The following NNT variants were observed in gnomAD, a reference collection of about 807,000 sequenced individuals.
NNT encodes the protein nicotinamide nucleotide transhydrogenase, also known as NAD(P) transhydrogenase, mitochondrial.
NNT carries 50 observed loss-of-function variants against 104.8 expected under a neutral mutation model. That is an observed-to-expected ratio of 0.48 (90% confidence interval 0.38 to 0.60). NNT has a LOEUF of 0.60. NNT is among the 20% of genes least tolerant of loss of function. The probability of loss-of-function intolerance (pLI) is 0.00; values close to 1 mark genes in which losing one functional copy is unlikely to be tolerated. For synonymous variants in NNT, 461 were observed against 490.4 expected, an observed-to-expected ratio of 0.94 and a Z score of 0.79; for missense variants, 1,131 against 1,330.7, an observed-to-expected ratio of 0.85 and a Z score of 2.33.
At chr5:43,619,549 G>A (rs912368831) in intron 5 of NNT, among the ~76,000 whole-genome samples, 1 of 152,152 alleles carries the variant, frequency 6.6e-6, no homozygotes, top group Non-Finnish European at 1.5e-5. Flanking sequence ...AATGGGAGGT[G>A]GTGTAATCAG....
At chr5:43,620,721 A>G (rs1347223807) in intron 5 of NNT, among the ~76,000 whole-genome samples, 3 of 152,224 alleles carry the variant, frequency 2.0e-5, no homozygotes, top group Admixed American at 2.0e-4. Context: ...AACAACACAG[A>G]CGTGAGATGT....
At chr5:43,610,314 C>CTCTT (rs1749438690) in intron 2 of NNT, among the ~76,000 whole-genome samples, 2 of 151,100 alleles carry the variant, frequency 1.3e-5, no homozygotes, top group African/African-American at 4.9e-5. Flanking sequence ...CAAGTCAACT[C>CTCTT]TCTTTCATCA....
chr5:43,654,325 G>A (rs1302967049), intron 14 of NNT, among the ~76,000 whole-genome samples: 1 of 152,234 alleles, frequency 6.6e-6, no homozygotes, highest in African/African-American at 2.4e-5. Flanking sequence ...CCAGACGTGA[G>A]AAAGTGATGG....
At chr5:43,644,378 G>T in intron 8 of NNT, 53 bp downstream of exon 8, 2 of 1,558,320 alleles carry the variant, frequency 1.3e-6, no homozygotes, top group Non-Finnish European at 1.7e-6. Context: ...CTTGAGTTAT[G>T]GGGGGGTGTT....
chr5:43,654,523 G>A (rs538121562), intron 14 of NNT, among the ~76,000 whole-genome samples: 7 of 152,254 alleles, frequency 4.6e-5, no homozygotes, highest in Admixed American at 2.6e-4. Context: ...TTTTACTTTC[G>A]TCTTACTTAT....
At chr5:43,675,455 T>G in intron 17 of NNT, 56 bp from the exon 18 acceptor site, 1 of 1,480,610 alleles carries the variant, frequency 6.8e-7, no homozygotes, top group Non-Finnish European at 9.2e-7. Flanking sequence ...ACATTTGTAC[T>G]ATTCTCACAA....
At chr5:43,612,848 A>C in intron 2 of NNT, 60 bp from the exon 3 acceptor site, 4 of 1,270,658 alleles carry the variant, frequency 3.1e-6, no homozygotes, top group Non-Finnish European at 4.5e-6. Flanking sequence ...TCTGTTTTTA[A>C]ACATTTTTTG....
intron 5 of NNT, among the ~76,000 whole-genome samples, chr5:43,620,640 A>T (rs1329555595): frequency 6.6e-6 from 1 of 151,534 alleles, no homozygotes; most frequent in Admixed American, 6.5e-5. Flanking sequence ...TGTTTTGAAA[A>T]ACAGGCCAGG....
At chr5:43,680,724 C>T (rs914972255) in intron 19 of NNT, among the ~76,000 whole-genome samples, 7 of 152,094 alleles carry the variant, frequency 4.6e-5, no homozygotes, top group Non-Finnish European at 1.5e-5. Flanking sequence ...CATTTCATGA[C>T]AAGAACTCAT....
chr5:43,703,884 G>A (rs1742986168), intron 21 of NNT, among the ~76,000 whole-genome samples: 1 of 152,094 alleles, frequency 6.6e-6, no homozygotes, highest in African/African-American at 2.4e-5. Flanking sequence ...GGAAACTTAT[G>A]CACTAAACTT....
intron 19 of NNT, among the ~76,000 whole-genome samples, chr5:43,692,833 T>G (rs1742360463): frequency 1.3e-5 from 2 of 152,222 alleles, no homozygotes; most frequent in South Asian, 4.1e-4. Context: ...TCTCTTACTA[T>G]CCTTTCCATT....
At chr5:43,700,284 TA>T in intron 20 of NNT, 47 bp downstream of exon 20, 1 of 1,362,968 alleles carries the variant, frequency 7.3e-7, no homozygotes, top group Non-Finnish European at 1.0e-6. Context: ...TTACTATGAA[TA>T]AAGCAGTGCA....
chr5:43,605,942 A>G (rs1434650910), intron 1 of NNT, among the ~76,000 whole-genome samples: 1 of 152,186 alleles, frequency 6.6e-6, no homozygotes, highest in African/African-American at 2.4e-5. Context: ...TTTTCCAAGT[A>G]GAAGGAACAA....
At chr5:43,702,491 C>G (rs1472736916) in intron 20 of NNT, 130 bp from the exon 21 acceptor site, 1 of 564,294 alleles carries the variant, frequency 1.8e-6, no homozygotes, top group Admixed American at 3.7e-5. Flanking sequence ...TTGTAAAGTG[C>G]CTGGCACAAG....
chr5:43,614,373 C>T (rs1225268928), intron 3 of NNT, among the ~76,000 whole-genome samples: 1 of 152,122 alleles, frequency 6.6e-6, no homozygotes, highest in African/African-American at 2.4e-5. Context: ...TCCTGAGGAG[C>T]GCATTCAGGG....
chr5:43,603,601 T>C lies in NNT; in HGVS notation c.-54+307T>C, dbSNP rs575258495. Reference sequence around the variant, plus strand: ...CTGGGTCCCCGAAGAGGGCAGGGAATGAGGCGGCAGCTGTGCAGGTGCAGA... The same window carrying C: ...CTGGGTCCCCGAAGAGGGCAGGGAACGAGGCGGCAGCTGTGCAGGTGCAGA... On this transcript the variant is annotated intron_variant, in intron 1 of 21. Coordinates refer to ENST00000344920, the MANE Select transcript of NNT (RefSeq NM_182977.3). Among the ~76,000 whole-genome samples, 14 of 152,042 alleles carry C rather than the reference T, an allele frequency of 9.2e-5. No individual in the cohort carries two copies. The East Asian group carries it at 2.5e-3, about 27-fold the overall frequency.
intron 17 of NNT, among the ~76,000 whole-genome samples, chr5:43,661,971 C>T (rs1740393862): frequency 6.6e-6 from 1 of 151,922 alleles, no homozygotes; most frequent in Non-Finnish European, 1.5e-5. Flanking sequence ...GTTCTAGATC[C>T]CTGAGGAATC....
chr5:43,669,932 G>T (rs1272535594), intron 17 of NNT, among the ~76,000 whole-genome samples: 1 of 151,944 alleles, frequency 6.6e-6, no homozygotes, highest in South Asian at 2.1e-4. Context: ...TGGTTGGTAG[G>T]CTATTAATTA....
In NNT at chr5:43,705,955, T is replaced by G. The variant is rs1308112638; in HGVS notation, c.*1551T>G. ...CTTTATTCCTGCCCTTTTTCTTCTCTCAAAGTAGTTGTAGTTATATCTAGA... is the reference window on the plus strand; with the variant it reads ...CTTTATTCCTGCCCTTTTTCTTCTCGCAAAGTAGTTGTAGTTATATCTAGA... On this transcript the variant is annotated 3_prime_UTR_variant, in exon 22 of 22. Transcript: ENST00000344920. 2 of 152,116 alleles carry G rather than the reference T, an allele frequency of 1.3e-5. No individual in the cohort carries two copies. The highest frequency in any genetic ancestry group is 4.8e-5 in the African/African-American group (2 of 41,454). 9.4% of individuals were successfully genotyped at this position (152,116 alleles called of 1,614,324 possible).
Sources: allele counts gnomAD v4.1 joint callset (sites outside exome capture counted in the v4.1 genomes callset), GRCh38; gene constraint gnomAD v4.1.1; transcripts MANE v1.5; gene names NCBI Gene and HGNC (gene_info 2026-07-23, HGNC 2026-07-21).